DLGAP1: variants seen among roughly 807,000 people sequenced by gnomAD.
The protein encoded by DLGAP1 is disks large-associated protein 1.
A neutral mutation model predicts 90.8 loss-of-function variants in DLGAP1; 11 were observed. That is an observed-to-expected ratio of 0.12 (90% CI 0.08 to 0.20). The LOEUF (loss-of-function observed/expected upper bound fraction) is 0.20, where lower values mean the gene tolerates loss of function less well. Among genes scored for constraint, DLGAP1 ranks in the 10% least tolerant of loss-of-function variants. The pLI, the probability that DLGAP1 is intolerant of heterozygous loss-of-function variation, is 1.00. For missense variants in DLGAP1, 1,050 were observed against 1,333.8 expected, an observed-to-expected ratio of 0.79 and a Z score of 3.31; for synonymous variants, 558 against 540.7, an observed-to-expected ratio of 1.03 and a Z score of -0.44.
intron 2 of DLGAP1, among the ~76,000 whole-genome samples, chr18:4,028,360 C>T (rs1347986041): frequency 6.6e-6 from 1 of 152,244 alleles, no homozygotes; most frequent in Non-Finnish European, 1.5e-5. Flanking sequence ...CATTACCTTG[C>T]TCTGCTCTGA....
At chr18:3,576,865 C>A (rs1294205580) in intron 8 of DLGAP1, among the ~76,000 whole-genome samples, 1 of 131,018 alleles carries the variant, frequency 7.6e-6, no homozygotes, top group African/African-American at 2.8e-5. Flanking sequence ...TACGCCCGGC[C>A]TTTTTTTTTT....
chr18:4,052,901 C>T (rs949186509), intron 2 of DLGAP1, among the ~76,000 whole-genome samples: 5 of 152,212 alleles, frequency 3.3e-5, no homozygotes, highest in African/African-American at 1.2e-4. Context: ...GGAATCACCA[C>T]TGCTCCAGTT....
chr18:3,694,939 G>GTTTTTTTTTTTT (rs1219198458), intron 7 of DLGAP1, among the ~76,000 whole-genome samples: 29 of 125,206 alleles, frequency 2.3e-4, no homozygotes, highest in Non-Finnish European at 3.9e-4. Context: ...TGTTTTTTTT[G>GTTTTTTTTTTTT]TTTTTTTTTT....
intron 1 of DLGAP1, among the ~76,000 whole-genome samples, chr18:4,204,508 G>GT (rs112859102): frequency 0.18 from 27,377 of 148,044 alleles, 2,745 homozygotes; most frequent in African/African-American, 0.27. Context: ...GACTGTTGTG[G>GT]TTTTTTTTTT....
intron 7 of DLGAP1, among the ~76,000 whole-genome samples, chr18:3,644,149 G>A (rs1358398545): frequency 1.3e-5 from 2 of 152,174 alleles, no homozygotes; most frequent in African/African-American, 4.8e-5. Flanking sequence ...GTTCCAGATG[G>A]TGCAGGCACA....
At chr18:4,089,122 A>G (rs866636095) in intron 2 of DLGAP1, among the ~76,000 whole-genome samples, 1 of 152,082 alleles carries the variant, frequency 6.6e-6, no homozygotes, top group Non-Finnish European at 1.5e-5. Flanking sequence ...TACAAAATCA[A>G]TGTGCAAAAA....
chr18:3,881,830 A>T (rs141285822), intron 3 of DLGAP1, among the ~76,000 whole-genome samples: 1,527 of 152,152 alleles, frequency 0.01, 25 homozygotes, highest in African/African-American at 0.035. Context: ...GGAGAATGGC[A>T]TAAACCCGGG....
intron 1 of DLGAP1, among the ~76,000 whole-genome samples, chr18:4,422,222 T>C (rs1302622842): frequency 6.6e-6 from 1 of 151,674 alleles, no homozygotes; most frequent in Non-Finnish European, 1.5e-5. Context: ...AAAATATATG[T>C]ACGCACATGT....
chr18:4,233,705 C>T (rs754077921), intron 1 of DLGAP1, among the ~76,000 whole-genome samples: 8 of 152,014 alleles, frequency 5.3e-5, no homozygotes, highest in Admixed American at 1.3e-4. Flanking sequence ...AAGGAATATG[C>T]GCATATGTTA....
chr18:4,119,724 T>A (rs1003593069), intron 2 of DLGAP1, among the ~76,000 whole-genome samples: 1 of 152,196 alleles, frequency 6.6e-6, no homozygotes, highest in South Asian at 2.1e-4. Context: ...TTATTTTATG[T>A]CTGGAGTAGG....
chr18:3,741,847 CTT>C (rs200079832), intron 6 of DLGAP1, among the ~76,000 whole-genome samples: 4 of 142,604 alleles, frequency 2.8e-5, no homozygotes, highest in African/African-American at 1.2e-4. Context: ...TTTTCTTTTT[CTT>C]TTTTTTTAAC....
At chr18:4,007,634 T>C (rs57198364) in intron 2 of DLGAP1, among the ~76,000 whole-genome samples, 13,333 of 151,972 alleles carry the variant, frequency 0.088, 1,681 homozygotes, top group African/African-American at 0.28. Flanking sequence ...CCAGCCTGGG[T>C]GACAGAACAA....
intron 1 of DLGAP1, among the ~76,000 whole-genome samples, chr18:4,174,915 T>A (rs2144614023): frequency 6.6e-6 from 1 of 152,332 alleles, no homozygotes; most frequent in African/African-American, 2.4e-5. Flanking sequence ...TCCAGCTTCA[T>A]CCATGTCCCT....
chr18:3,843,356 C>T (rs1284523070), intron 4 of DLGAP1, among the ~76,000 whole-genome samples: 2 of 152,196 alleles, frequency 1.3e-5, no homozygotes, highest in Admixed American at 1.3e-4. Flanking sequence ...CATTTTCACC[C>T]TCAAGTTGGT....
intron 7 of DLGAP1, among the ~76,000 whole-genome samples, chr18:3,622,193 C>T (rs1424794630): frequency 6.6e-6 from 1 of 151,978 alleles, no homozygotes; most frequent in Non-Finnish European, 1.5e-5. Context: ...CCAGCTCCGC[C>T]TCCCAGGTTC....
At chr18:3,628,221 G>T (rs546245254) in intron 7 of DLGAP1, among the ~76,000 whole-genome samples, 1 of 138,218 alleles carries the variant, frequency 7.2e-6, no homozygotes, top group African/African-American at 2.8e-5. Flanking sequence ...ACGGAGTCTC[G>T]CTCTGTCACC....
intron 1 of DLGAP1, among the ~76,000 whole-genome samples, chr18:4,249,209 G>A (rs963954878): frequency 6.6e-6 from 1 of 152,104 alleles, no homozygotes; most frequent in African/African-American, 2.4e-5. Flanking sequence ...TGAACTACAT[G>A]AGGACAAATT....
At chr18:4,233,348 T>C (rs746464870) in intron 1 of DLGAP1, among the ~76,000 whole-genome samples, 2 of 152,174 alleles carry the variant, frequency 1.3e-5, no homozygotes, top group Non-Finnish European at 2.9e-5. Flanking sequence ...ACCTTAAAAA[T>C]TGTACATTTT....
At position 4,073,528 on chromosome 18, in the gene DLGAP1, A is replaced by AG. The variant is rs1481167237; in HGVS notation, c.-158-68328dup. 9.9e-5 allele frequency among the ~76,000 whole-genome samples: 15 copies of AG among 152,284 alleles called. No individual in the cohort carries two copies. The South Asian group carries it at 2.3e-3, about 23-fold the overall frequency. On this transcript the variant is annotated intron_variant, in intron 2 of 12. Transcript: ENST00000315677. ...AGGCAGTGCTATCGGAGGATAATGA[A>AG]GGGGGAAAAAAGAGGTAGAAGCATA... is the stretch of plus-strand genomic sequence containing the variant.
Sources: allele counts gnomAD v4.1 joint callset (sites outside exome capture counted in the v4.1 genomes callset), GRCh38; gene constraint gnomAD v4.1.1; transcripts MANE v1.5; gene names NCBI Gene and HGNC (gene_info 2026-07-23, HGNC 2026-07-21).